The following DOT1L variants were observed in gnomAD, a reference collection of about 807,000 sequenced individuals.
The protein encoded by DOT1L is DOT1 like histone lysine methyltransferase, also known as histone-lysine N-methyltransferase, H3 lysine-79 specific.
In DOT1L, 33 loss-of-function variants were observed where a neutral mutation model predicts 153.3. The observed-to-expected ratio is 0.22, with a 90% CI of 0.16 to 0.29. DOT1L has a LOEUF of 0.29. Among genes scored for constraint, DOT1L ranks in the 10% least tolerant of loss-of-function variants. The probability of loss-of-function intolerance (pLI) is 1.00; values close to 1 mark genes in which losing one functional copy is unlikely to be tolerated. For missense variants in DOT1L, 1,847 were observed against 2,119.9 expected (o/e 0.87, Z 2.53); for synonymous variants, 1,135 against 965.1 (o/e 1.18, Z -3.26).
At chr19:2,172,347 G>A (rs1487772083) in intron 1 of DOT1L, among the ~76,000 whole-genome samples, 2 of 151,446 alleles carry the variant, frequency 1.3e-5, no homozygotes, top group African/African-American at 4.9e-5. Flanking sequence ...CCGCCGCCAC[G>A]CCCAGCTAAT....
chr19:2,180,715 T>C lies in DOT1L; in HGVS notation c.84T>C (p.Asp28=), dbSNP rs2022192320. Residue 28 remains aspartate (D), a splice_region_variant and synonymous_variant, in exon 2 of 28, where the codon GAT becomes GAC. Coordinates refer to ENST00000398665, the MANE Select transcript of DOT1L (RefSeq NM_032482.3). ...AVYPWPLPVY[D]KHHDAAHEII... ...TCAAACTTCTCTCTCTGTTTCAGGA[T>C]AAACATCACGATGCTGCTCATGAAA... 1 of 1,613,914 alleles carries C rather than the reference T, an allele frequency of 6.2e-7. No homozygotes were observed. Among genetic ancestry groups the C allele is most frequent in the Admixed American group, 1.7e-5 (1 of 59,992 alleles).
In DOT1L at chr19:2,220,003, G is replaced by C; in HGVS notation, c.2692-105G>C. 2 of 1,039,884 alleles carry C rather than the reference G, an allele frequency of 1.9e-6. No individual in the cohort carries two copies. The highest frequency in any genetic ancestry group is 2.8e-6 in the Non-Finnish European group (2 of 720,562). The allele number at this position is 1,039,884 out of a possible 1,614,324, so 64.4% of individuals were successfully genotyped here. A position where few individuals can be genotyped will look rare whatever the true frequency, so the allele number is the denominator to read the frequency against. ...GCGGTACTGGACGGTGACCCCGGCG[G>C]CCTCCCCCAGCCAGCTGCAGGCCTC... On this transcript the variant is annotated intron_variant, in intron 22 of 27. Transcript: ENST00000398665. The surrounding 1 kb of genome is among the most constrained non-coding windows in gnomAD (Gnocchi z 4.5).
rs751484453 is a variant in DOT1L, at chr19:2,210,458, C to G, written c.1064C>G (p.Thr355Arg). ...QQRESKSNAA[T>R]PTKGPEGKVA... ...CGCGAGAGCAAGAGCAACGCGGCCA[C>G]GCCCACTAAGGGCCCAGAGGGCAAG... Residue 355 changes from threonine to arginine, a missense_variant, in exon 13 of 28, where the codon ACG becomes AGG. Thr to Arg is a moderately conservative substitution (Grantham distance 71). Around this residue, in one of 8 missense-constraint regions of DOT1L, gnomAD observed 205 missense variants for 203.1 expected, o/e 1.01. Transcript: ENST00000398665. 1 of 1,586,670 alleles carries G rather than the reference C, an allele frequency of 6.3e-7. No homozygotes were observed. Among genetic ancestry groups the G allele is most frequent in the Non-Finnish European group, 8.5e-7 (1 of 1,169,822 alleles).
chr19:2,203,761 C>G (rs187648320), intron 9 of DOT1L, among the ~76,000 whole-genome samples: 7 of 152,268 alleles, frequency 4.6e-5, no homozygotes, highest in Non-Finnish European at 1.0e-4. Context: ...TGCCAGCCCT[C>G]CAGCAGGACA....
At chr19:2,224,870 C>T (rs758863106) in intron 25 of DOT1L, among the ~76,000 whole-genome samples, 6 of 152,238 alleles carry the variant, frequency 3.9e-5, no homozygotes, top group Non-Finnish European at 8.8e-5. Flanking sequence ...ATTGGGATTG[C>T]TCAGCTTAGT....
chr19:2,220,292 G>A lies in DOT1L; in HGVS notation c.2806+70G>A, dbSNP rs1330295234. 1 of 1,471,064 alleles carries A rather than the reference G, an allele frequency of 6.8e-7. No homozygotes were observed. The allele number at this position is 1,471,064 out of a possible 1,614,324, so 91.1% of individuals were successfully genotyped here. A position where few individuals can be genotyped will look rare whatever the true frequency, so the allele number is the denominator to read the frequency against. On this transcript the variant is annotated intron_variant, in intron 23 of 27. Transcript: ENST00000398665. The surrounding 1 kb of genome is among the most constrained non-coding windows in gnomAD (Gnocchi z 4.5). ...GCTGCTCTTCAGGCAGGAGGGCTGG[G>A]TTGCTGGGAGTGGAACAGGGCTTCC... is the stretch of plus-strand genomic sequence containing the variant.
In DOT1L at chr19:2,229,937, C is replaced by T. The variant is rs190867751; in HGVS notation, c.*145C>T. 9.8e-5 allele frequency: 139 copies of T among 1,416,126 alleles called. No individual in the cohort carries two copies. In the East Asian group the frequency reaches 1.4e-3, roughly 14 times the overall value. The allele number at this position is 1,416,126 out of a possible 1,614,324, so 87.7% of individuals were successfully genotyped here. A position where few individuals can be genotyped will look rare whatever the true frequency, so the allele number is the denominator to read the frequency against. On this transcript the variant is annotated 3_prime_UTR_variant, in exon 28 of 28. Coordinates refer to ENST00000398665, the MANE Select transcript of DOT1L (RefSeq NM_032482.3). ...GGAGCTCCACTGTGAATCGGCGGCACGCGCCGCAGGAGGCTGGGACTGGTC... is the reference window on the plus strand; with the variant it reads ...GGAGCTCCACTGTGAATCGGCGGCATGCGCCGCAGGAGGCTGGGACTGGTC...
chr19:2,207,607 C>T lies in DOT1L; in HGVS notation c.890C>T (p.Ser297Leu), dbSNP rs754413497. 2.5e-5 allele frequency: 40 copies of T among 1,612,304 alleles called. No individual in the cohort carries two copies. The highest frequency in any genetic ancestry group is 3.1e-5 in the Non-Finnish European group (37 of 1,179,778). Residue 297 changes from serine to leucine, a missense_variant, in exon 11 of 28, where the codon TCG becomes TTG. Coordinates refer to ENST00000398665, the MANE Select transcript of DOT1L (RefSeq NM_032482.3). This position sits in a 1 kb window ranked among gnomAD's most constrained non-coding sequence, Gnocchi z 4.5. ...ACCATCATGCGCGTGGTGGAGCTCT[C>T]GCCCCTGAAGGGCTCGGTGTCGTGG... ...IGTIMRVVELSPLKGSVSWTG... is the reference protein window; with the variant it reads ...IGTIMRVVELLPLKGSVSWTG...
rs2023914927 is a variant in DOT1L at position 2,216,663 on chromosome 19, C to G, written c.2306C>G (p.Pro769Arg). ...GAGAAGCTGTCTGGCCTAGCCGCAC[C>G]CGACTACACTAGGCTGTCCCCGGCC... is the stretch of plus-strand genomic sequence containing the variant. ...RLEKLSGLAA[P>R]DYTRLSPAKI... The change falls in exon 20 of 28, where the codon CCC becomes CGC. Residue 769 changes from proline to arginine, a missense_variant. Coordinates refer to ENST00000398665, the MANE Select transcript of DOT1L (RefSeq NM_032482.3). 1 of 1,604,490 alleles carries G rather than the reference C, an allele frequency of 6.2e-7. No individual in the cohort carries two copies. The highest frequency in any genetic ancestry group is 1.7e-5 in the Admixed American group (1 of 59,992).
At position 2,174,144 on chromosome 19, in the gene DOT1L, G is replaced by T. The variant is rs555996815; in HGVS notation, c.82-6569G>T. On this transcript the variant is annotated intron_variant, in intron 1 of 27. Coordinates refer to ENST00000398665, the MANE Select transcript of DOT1L (RefSeq NM_032482.3). ...AGCCAGCTGGGGCTGTTGCACATGG[G>T]CTAGTTATTATCAAGTCAGCTGAAG... Among the ~76,000 whole-genome samples, 4 of 152,328 alleles carry T rather than the reference G, an allele frequency of 2.6e-5. No individual in the cohort carries two copies. The East Asian group carries it at 7.7e-4, about 29-fold the overall frequency.
chr19:2,199,792 G>C, intron 7 of DOT1L, 92 bp from the exon 8 acceptor site: 1 of 1,439,284 alleles, frequency 6.9e-7, no homozygotes, highest in Non-Finnish European at 9.4e-7. Flanking sequence ...AAGCGGAGCT[G>C]TGTTCATTCC....
chr19:2,174,458 G>A (rs1328495822), intron 1 of DOT1L, among the ~76,000 whole-genome samples: 1 of 152,078 alleles, frequency 6.6e-6, no homozygotes, highest in Non-Finnish European at 1.5e-5. Flanking sequence ...AGGCCGAGGC[G>A]GGCAGATCAC....
At chr19:2,179,297 C>T (rs2022112809) in intron 1 of DOT1L, among the ~76,000 whole-genome samples, 11 of 152,172 alleles carry the variant, frequency 7.2e-5, no homozygotes, top group Admixed American at 7.2e-4. Flanking sequence ...CAGGTGGTGT[C>T]CACAGGTGCC....
At chr19:2,180,644 C>T (rs2022188092) in intron 1 of DOT1L, 69 bp from the exon 2 acceptor site, 13 of 1,585,758 alleles carry the variant, frequency 8.2e-6, no homozygotes, top group South Asian at 3.4e-5. Flanking sequence ...ATCGCTTGTC[C>T]GGGAAGAGAG....
At position 2,203,061 on chromosome 19, in the gene DOT1L, AC is replaced by A. The variant is rs1265373650; in HGVS notation, c.787+283del. 3.3e-5 allele frequency among the ~76,000 whole-genome samples: 5 copies of A among 152,038 alleles called. No homozygotes were observed. The South Asian group carries it at 1.0e-3, about 32-fold the overall frequency. On this transcript the variant is annotated intron_variant, in intron 9 of 27. Transcript: ENST00000398665. ...GTCAGTCTCCCGAGTAGCTGGGACTACGGGTCTGTGCCACCATGCTCAGCTA... is the reference window on the plus strand; with the variant it reads ...GTCAGTCTCCCGAGTAGCTGGGACTAGGGTCTGTGCCACCATGCTCAGCTA...
chr19:2,231,160 G>C lies in DOT1L; in HGVS notation c.*1368G>C, dbSNP rs2024579703. On this transcript the variant is annotated 3_prime_UTR_variant, in exon 28 of 28. Transcript: ENST00000398665. Reference sequence around the variant, plus strand: ...GTTGTCTGAGCAGTGGTGGCTCTGTGCCCTCCCTGGAGGATGGGATCTGGG... The same window carrying C: ...GTTGTCTGAGCAGTGGTGGCTCTGTCCCCTCCCTGGAGGATGGGATCTGGG... 4.4e-6 allele frequency: 1 copy of C among 227,664 alleles called. No homozygotes were observed. Among genetic ancestry groups the C allele is most frequent in the South Asian group, 1.8e-4 (1 of 5,488 alleles). 14.1% of individuals were successfully genotyped at this position (227,664 alleles called of 1,614,324 possible).
rs770744824 is a variant in DOT1L, at chr19:2,220,685, G to T, written c.2806+463G>T. On this transcript the variant is annotated intron_variant, in intron 23 of 27. Coordinates refer to ENST00000398665, the MANE Select transcript of DOT1L (RefSeq NM_032482.3). The surrounding 1 kb of genome is among the most constrained non-coding windows in gnomAD (Gnocchi z 4.5). ...TTAGCCCAGTTTCTGCAGAGAGCCA[G>T]AGAGGATGCCACTTTGGCTTTTGTT... The T allele has an allele frequency of 3.4e-4, 124 of 369,690 alleles. No individual in the cohort carries two copies. The highest frequency in any genetic ancestry group is 4.4e-4 in the South Asian group (22 of 50,380). 22.9% of individuals were successfully genotyped at this position (369,690 alleles called of 1,614,324 possible). A position where few individuals can be genotyped will look rare whatever the true frequency, so the allele number is the denominator to read the frequency against.
intron 8 of DOT1L, among the ~76,000 whole-genome samples, chr19:2,202,254 C>T (rs1170058789): frequency 6.6e-6 from 1 of 152,232 alleles, no homozygotes; most frequent in Non-Finnish European, 1.5e-5. Context: ...GGCGCCTCAC[C>T]TGGGACCCGT....
In DOT1L at chr19:2,211,146, G is replaced by A. The variant is rs775729505; in HGVS notation, c.1399G>A (p.Val467Met). ...HSPFYQLPPS[V>M]QRHSPNPLLV... ...CCCGTTCTACCAGCTACCTCCGAGC[G>A]TGCAGCGGCACTCCCCCAACCCGCT... Residue 467 changes from valine to methionine, a missense_variant, in exon 15 of 28, where the codon GTG (valine) becomes ATG (methionine). Physicochemically the swap from Val to Met is conservative, Grantham distance 21. Transcript: ENST00000398665. 18 of 1,612,834 alleles carry A rather than the reference G, an allele frequency of 1.1e-5. No homozygotes were observed. Among genetic ancestry groups the A allele is most frequent in the East Asian group, 4.5e-5 (2 of 44,888 alleles).
Sources: allele counts gnomAD v4.1 joint callset (sites outside exome capture counted in the v4.1 genomes callset), GRCh38; gene constraint gnomAD v4.1.1; regional missense constraint gnomAD v4.1.1; non-coding constraint Gnocchi (gnomAD v3.1); transcripts MANE v1.5; gene names NCBI Gene and HGNC (gene_info 2026-07-23, HGNC 2026-07-21).